Variants in EVI5L observed in about 807,000 individuals in gnomAD.
EVI5L encodes ecotropic viral integration site 5 like, also known as EVI5-like protein.
EVI5L carries 30 observed loss-of-function variants against 106.1 expected under a neutral mutation model. The ratio of observed to expected loss-of-function variants is 0.28; its 90% CI spans 0.21 to 0.38. EVI5L has a LOEUF of 0.38. EVI5L is among the 10% of genes least tolerant of loss of function. EVI5L has a pLI of 1.00. For synonymous variants in EVI5L, 489 were observed against 483.3 expected (o/e 1.01, Z -0.15); for missense variants, 809 against 1,098.0 (o/e 0.74, Z 3.72).
At chr19:7,853,551 C>A in intron 10 of EVI5L, 1 of 629,562 alleles carries the variant, frequency 1.6e-6, no homozygotes, top group Non-Finnish European at 2.7e-6. Context: ...CCAAGACAGT[C>A]AAGGTCCCTG....
At chr19:7,830,721 C>T (rs1355352278) in intron 1 of EVI5L, among the ~76,000 whole-genome samples, 1 of 146,086 alleles carries the variant, frequency 6.8e-6, no homozygotes, top group African/African-American at 2.6e-5. Context: ...CCCCATCCCC[C>T]CACTCCGCCG....
At chr19:7,844,799 G>T (rs1191298118) in intron 1 of EVI5L, among the ~76,000 whole-genome samples, 1 of 152,200 alleles carries the variant, frequency 6.6e-6, no homozygotes, top group Non-Finnish European at 1.5e-5. Flanking sequence ...AGGGCCCAAG[G>T]TAGAACCAGT....
chr19:7,855,074 C>G (rs1160320273), intron 10 of EVI5L, among the ~76,000 whole-genome samples: 1 of 152,016 alleles, frequency 6.6e-6, no homozygotes, highest in Non-Finnish European at 1.5e-5. Context: ...ACCTGCTCCC[C>G]AGAGTGTCCT....
chr19:7,860,738 A>T, intron 14 of EVI5L, 49 bp downstream of exon 14: 1 of 1,519,488 alleles, frequency 6.6e-7, no homozygotes, highest in South Asian at 1.2e-5. Context: ...CCTGGGGCAC[A>T]GGAGGGGTCC....
Position 7,857,031 on chromosome 19 carries a change from G to A in EVI5L, c.1201-61G>A. 6.5e-7 allele frequency: 1 copy of A among 1,537,084 alleles called. No homozygotes were observed. On this transcript the variant is annotated intron_variant, in intron 11 of 19. Transcript: ENST00000538904. The surrounding 1 kb of genome is among the most constrained non-coding windows in gnomAD (Gnocchi z 4.5). ...GGTTCTTGTCTGTCTCCCCTCTCCT[G>A]TCCCCGCGCCTTCCGCTCTGCCTCC...
intron 8 of EVI5L, among the ~76,000 whole-genome samples, chr19:7,852,070 C>A (rs769269619): frequency 6.6e-6 from 1 of 152,222 alleles, no homozygotes; most frequent in Non-Finnish European, 1.5e-5. Flanking sequence ...GCAGATGCCC[C>A]AAAGCCTGAT....
In EVI5L at chr19:7,849,146, G is replaced by T. The variant is rs1445405366; in HGVS notation, c.552+1G>T. ...GGAGGTCCTCTTCAACGTCATGAAG[G>T]TGAGGCCCAGGGCTCCCCGCTCCCT... On this transcript the variant is annotated splice_donor_variant, in intron 4 of 19. Coordinates refer to ENST00000538904, the MANE Select transcript of EVI5L (RefSeq NM_001159944.3). LOFTEE classifies it high-confidence loss of function. The T allele has an allele frequency of 6.2e-7, 1 of 1,611,032 alleles. No homozygotes were observed. The highest frequency in any genetic ancestry group is 1.1e-5 in the South Asian group (1 of 90,756).
At chr19:7,862,364 G>T in intron 16 of EVI5L, 24 bp from the exon 17 acceptor site, 1 of 1,587,220 alleles carries the variant, frequency 6.3e-7, no homozygotes, top group Non-Finnish European at 8.6e-7. Flanking sequence ...GCCGTCCTCC[G>T]TCCTCCCTTC....
chr19:7,850,207 G>T lies in EVI5L; in HGVS notation c.753+85G>T, dbSNP rs1979173140. ...CGCAAGGGAGCAGGATCGCAGAAGG[G>T]CAGGGCTGGCACCCTAGACCATACC... On this transcript the variant is annotated intron_variant, in intron 6 of 19. Coordinates refer to ENST00000538904, the MANE Select transcript of EVI5L (RefSeq NM_001159944.3). This position sits in a 1 kb window ranked among gnomAD's most constrained non-coding sequence, Gnocchi z 5.4. 1.3e-6 allele frequency: 2 copies of T among 1,511,468 alleles called. No individual in the cohort carries two copies. Among genetic ancestry groups the T allele is most frequent in the South Asian group, 1.3e-5 (1 of 79,700 alleles). 93.6% of individuals were successfully genotyped at this position (1,511,468 alleles called of 1,614,324 possible).
intron 1 of EVI5L, among the ~76,000 whole-genome samples, chr19:7,841,025 T>C (rs1978577981): frequency 6.6e-6 from 1 of 152,210 alleles, no homozygotes; most frequent in Non-Finnish European, 1.5e-5. Context: ...CTGACTGTTC[T>C]CCATCCTACC....
At chr19:7,862,944 T>A in intron 17 of EVI5L, 28 bp from the exon 18 acceptor site, 25 of 831,882 alleles carry the variant, frequency 3.0e-5, no homozygotes, top group Non-Finnish European at 4.2e-5. Context: ...TGACCCGCCC[T>A]CCTTTCCCCC....
rs865985397 is a variant in EVI5L, at chr19:7,860,663, C to T, written c.1477C>T (p.Gln493Ter). Residue 493 changes from glutamine to a stop codon, truncating the protein, a stop_gained, in exon 14 of 20, where the codon CAG (glutamine) becomes TAG (stop). Coordinates refer to ENST00000538904, the MANE Select transcript of EVI5L (RefSeq NM_001159944.3). LOFTEE classifies it high-confidence loss of function. ...GACACTGGGGGCCCTTCGGGAGATGCAGGACAAGGTTCTCGACATGGAAAA... is the reference window on the plus strand; with the variant it reads ...GACACTGGGGGCCCTTCGGGAGATGTAGGACAAGGTTCTCGACATGGAAAA... ...TETLGALREM[Q>*]DKVLDMEKRN... 6.3e-7 allele frequency: 1 copy of T among 1,590,934 alleles called. No individual in the cohort carries two copies. The highest frequency in any genetic ancestry group is 1.8e-5 in the Admixed American group (1 of 56,770).
chr19:7,855,351 C>T lies in EVI5L; in HGVS notation c.1147-664C>T, dbSNP rs1028273141. Among the ~76,000 whole-genome samples, 118 of 152,152 alleles carry T rather than the reference C, an allele frequency of 7.8e-4. 4 individuals carry two copies. The highest frequency in any genetic ancestry group is 1.5e-4 in the Non-Finnish European group (10 of 68,038). On this transcript the variant is annotated intron_variant, in intron 10 of 19. Coordinates refer to ENST00000538904, the MANE Select transcript of EVI5L (RefSeq NM_001159944.3). ...AGGTGATTTGCCTGCCTCGGCCTCC[C>T]AAAGTGCTGGGATTACAGGCGTGAG...
rs1436913099 is a variant in EVI5L, at chr19:7,845,714, G to A, written c.-47-782G>A. Among the ~76,000 whole-genome samples, 1 of 152,234 alleles carries A rather than the reference G, an allele frequency of 6.6e-6. No homozygotes were observed. Among genetic ancestry groups the A allele is most frequent in the African/African-American group, 2.4e-5 (1 of 41,464 alleles). ...TTGATCTGCCTCCACCAGGGTGGCA[G>A]AAGGCGAGAGGCCAGTGTCCTTGAA... On this transcript the variant is annotated intron_variant, in intron 1 of 19. Transcript: ENST00000538904. This position sits in a 1 kb window ranked among gnomAD's most constrained non-coding sequence, Gnocchi z 4.0.
chr19:7,852,030 C>T (rs543557706), intron 8 of EVI5L, among the ~76,000 whole-genome samples: 36 of 152,282 alleles, frequency 2.4e-4, no homozygotes, highest in African/African-American at 8.2e-4. Context: ...GCCCTGGGAG[C>T]CCCACTGCCC....
chr19:7,862,742 C>CA (rs968829374), intron 17 of EVI5L, among the ~76,000 whole-genome samples: 1 of 124,254 alleles, frequency 8.0e-6, no homozygotes, highest in Non-Finnish European at 1.8e-5. Context: ...TCCTGACCAC[C>CA]CCCCCCCGCG....
rs577083649 is a variant in EVI5L, at chr19:7,850,234, G to A, written c.753+112G>A. ...AGGGCTGGCACCCTAGACCATACCCGGGCACCTCTTGGACTGAAAATTCCA... is the reference window on the plus strand; with the variant it reads ...AGGGCTGGCACCCTAGACCATACCCAGGCACCTCTTGGACTGAAAATTCCA... On this transcript the variant is annotated intron_variant, in intron 6 of 19. Transcript: ENST00000538904. The surrounding 1 kb of genome is among the most constrained non-coding windows in gnomAD (Gnocchi z 5.4). 3.5e-6 allele frequency: 5 copies of A among 1,427,042 alleles called. No individual in the cohort carries two copies. The highest frequency in any genetic ancestry group is 1.4e-5 in the South Asian group (1 of 71,452). 88.4% of individuals were successfully genotyped at this position (1,427,042 alleles called of 1,614,324 possible).
intron 1 of EVI5L, among the ~76,000 whole-genome samples, chr19:7,830,819 A>C (rs1345056170): frequency 8.0e-6 from 1 of 125,540 alleles, no homozygotes; most frequent in Non-Finnish European, 1.7e-5. Context: ...TCTGGACAAC[A>C]CTTGCCACCC....
In EVI5L at chr19:7,853,302, G is replaced by A. The variant is rs1301501411; in HGVS notation, c.1115G>A (p.Ser372Asn). The change falls in exon 10 of 20, where the codon AGC (serine) becomes AAC (asparagine). Residue 372 changes from serine to asparagine, a missense_variant. This residue lies in a region of EVI5L where 357 missense variants were observed against 588.1 expected (regional missense o/e 0.61). Coordinates refer to ENST00000538904, the MANE Select transcript of EVI5L (RefSeq NM_001159944.3). ...GAGAAGGAGTACGCAGCCATGAAGA[G>A]CAAGGAGATGGAGGAGCAGATCGAG... ...RLEKEYAAMK[S>N]KEMEEQIEIK... The A allele has an allele frequency of 1.2e-6, 2 of 1,613,376 alleles. No homozygotes were observed. Among genetic ancestry groups the A allele is most frequent in the South Asian group, 2.2e-5 (2 of 91,038 alleles).
Sources: allele counts gnomAD v4.1 joint callset (sites outside exome capture counted in the v4.1 genomes callset), GRCh38; gene constraint gnomAD v4.1.1; regional missense constraint gnomAD v4.1.1; non-coding constraint Gnocchi (gnomAD v3.1); transcripts MANE v1.5; gene names NCBI Gene and HGNC (gene_info 2026-07-23, HGNC 2026-07-21).